CTU1: variants seen among roughly 807,000 people sequenced by gnomAD.
The protein encoded by CTU1 is cytoplasmic tRNA 2-thiolation protein 1.
A neutral mutation model predicts 12.9 loss-of-function variants in CTU1; 15 were observed. That is an observed-to-expected ratio of 1.16 (90% CI 0.78 to 1.79). The LOEUF (loss-of-function observed/expected upper bound fraction) is 1.79. Ranked by LOEUF, CTU1 falls within the 40% of genes most tolerant of loss-of-function variation. The pLI is 0.00. For synonymous variants in CTU1, 295 were observed against 275.6 expected (o/e 1.07, Z -0.70); for missense variants, 553 against 550.5 (o/e 1.00, Z -0.05).
At position 51,103,401 on chromosome 19, in the gene CTU1, T is replaced by C. The variant is rs138641912; in HGVS notation, c.508+661A>G. Among the ~76,000 whole-genome samples the C allele has an allele frequency of 4.6e-5, 7 of 152,072 alleles. No homozygotes were observed. The East Asian group carries it at 1.2e-3, about 25-fold the overall frequency. ...GAGATCGAGATCATCCTGGCTAACA[T>C]GGTGAAACCCCGTCTCTACTAAAAA... On this transcript the variant is annotated intron_variant, in intron 2 of 2. Coordinates refer to ENST00000421832, the MANE Select transcript of CTU1 (RefSeq NM_145232.4).
At position 51,108,316 on chromosome 19, in the gene CTU1, A is replaced by AT. The variant is rs1428242883; in HGVS notation, c.-22+30dup. 6.6e-6 allele frequency: 1 copy of AT among 152,324 alleles called. No individual in the cohort carries two copies. Among genetic ancestry groups the AT allele is most frequent in the Non-Finnish European group, 1.5e-5 (1 of 68,120 alleles). The allele number at this position is 152,324 out of a possible 1,614,324, so 9.4% of individuals were successfully genotyped here. ...ACCGCAACAAAGAGCCGGAGTCCAC[A>AT]TGCCGACCCACCGCAGGAGGAAATA... On this transcript the variant is annotated intron_variant, in intron 1 of 2. Transcript: ENST00000421832. The surrounding 1 kb of genome is among the most constrained non-coding windows in gnomAD (Gnocchi z 4.5).
intron 2 of CTU1, among the ~76,000 whole-genome samples, chr19:51,101,092 G>T (rs547640419): frequency 6.6e-6 from 1 of 151,994 alleles, no homozygotes; most frequent in African/African-American, 2.4e-5. Context: ...CCACAGGTGT[G>T]TGCCACCATG....
In CTU1 at chr19:51,098,560, C is replaced by CT; in HGVS notation, c.*40_*41insA. The CT allele has an allele frequency of 8.1e-7, 1 of 1,241,084 alleles. No individual in the cohort carries two copies. Among genetic ancestry groups the CT allele is most frequent in the African/African-American group, 1.6e-5 (1 of 64,038 alleles). 76.9% of individuals were successfully genotyped at this position (1,241,084 alleles called of 1,614,324 possible). On this transcript the variant is annotated 3_prime_UTR_variant, in exon 3 of 3. Transcript: ENST00000421832. This position sits in a 1 kb window ranked among gnomAD's most constrained non-coding sequence, Gnocchi z 4.3. ...TCACAGTGTCATTTACAGGCAGCCC[C>CT]CACCCCGCGGCATCAGATCCCGGCG...
intron 2 of CTU1, among the ~76,000 whole-genome samples, chr19:51,103,689 G>A (rs1457476003): frequency 6.6e-6 from 1 of 152,054 alleles, no homozygotes; most frequent in East Asian, 1.9e-4. Context: ...TCTGAAAGGT[G>A]GACCATAAGA....
At position 51,108,093 on chromosome 19, in the gene CTU1, G is replaced by A. The variant is rs1317004750; in HGVS notation, c.-22+254C>T. ...GACAGATAATGTGTGGCATGGGGGC[G>A]GGGACAGGCAGATAGTAACATAGGG... On this transcript the variant is annotated intron_variant, in intron 1 of 2. Transcript: ENST00000421832. This position sits in a 1 kb window ranked among gnomAD's most constrained non-coding sequence, Gnocchi z 4.5. 6.6e-6 allele frequency among the ~76,000 whole-genome samples: 1 copy of A among 152,116 alleles called. No individual in the cohort carries two copies. Among genetic ancestry groups the A allele is most frequent in the African/African-American group, 2.4e-5 (1 of 41,420 alleles).
In CTU1 at chr19:51,104,498, C is replaced by G; in HGVS notation, c.72G>C (p.Ala24=). Residue 24 remains alanine, a synonymous_variant, in exon 2 of 3, where the codon GCG becomes GCC. Coordinates refer to ENST00000421832, the MANE Select transcript of CTU1 (RefSeq NM_145232.4). ...CGGCGCAGAAGCAGGCACCGCACAG[C>G]GCTTGGCCCGAGAGCGGACGGCGGA... The part of the protein sequence containing the change: ...AALRRPLSGQ[A]LCGACFCAAF... 1 of 1,297,134 alleles carries G rather than the reference C, an allele frequency of 7.7e-7. No individual in the cohort carries two copies. 80.4% of individuals were successfully genotyped at this position (1,297,134 alleles called of 1,614,324 possible). A position where few individuals can be genotyped will look rare whatever the true frequency, so the allele number is the denominator to read the frequency against.
intron 2 of CTU1, among the ~76,000 whole-genome samples, chr19:51,101,961 G>C (rs897139376): frequency 6.6e-6 from 1 of 152,164 alleles, no homozygotes; most frequent in Admixed American, 6.5e-5. Flanking sequence ...CAATTAATAA[G>C]TGATTCTATC....
rs1289057787 is a variant in CTU1, at chr19:51,104,257, G to T, written c.313C>A (p.Gln105Lys). 6.0e-6 allele frequency: 9 copies of T among 1,505,672 alleles called. No homozygotes were observed. The highest frequency in any genetic ancestry group is 2.1e-5 in the Admixed American group (1 of 46,850). The allele number at this position is 1,505,672 out of a possible 1,614,324, so 93.3% of individuals were successfully genotyped here. The change falls in exon 2 of 3, where the codon CAG becomes AAG. Residue 105 changes from glutamine (Q) to lysine (K), a missense_variant. Around this residue, in one of 2 missense-constraint regions of CTU1, gnomAD observed 500 missense variants for 458.5 expected, o/e 1.09. Transcript: ENST00000421832. ...AGCGGCAGCTCCCAGCGCGCCGCCT[G>T]GCGCCGCACGGCCGCCAACGCCGCG... ...RDAALAAVRR[Q>K]AARWELPLTV...
intron 1 of CTU1, among the ~76,000 whole-genome samples, chr19:51,106,672 ATTTT>A (rs56150506): frequency 1.5e-5 from 2 of 136,236 alleles, no homozygotes; most frequent in Admixed American, 7.5e-5. Flanking sequence ...TGCCTGGCTA[ATTTT>A]TTTTTTTTTT....
At position 51,097,806 on chromosome 19, in the gene CTU1, G is replaced by C. The variant is rs7507331; in HGVS notation, c.*795C>G. ...CTCCAGAGTCCAAGGTTTGGGGAACGCATCCAACCCCTCCTCACCCGTGAC... is the reference window on the plus strand; with the variant it reads ...CTCCAGAGTCCAAGGTTTGGGGAACCCATCCAACCCCTCCTCACCCGTGAC... On this transcript the variant is annotated 3_prime_UTR_variant, in exon 3 of 3. Transcript: ENST00000421832. 0.84 allele frequency: 127,351 copies of C among 152,116 alleles called. 53,590 individuals are homozygous for C. The highest frequency in any genetic ancestry group is 0.93 in the African/African-American group (38,584 of 41,508). 9.4% of individuals were successfully genotyped at this position (152,116 alleles called of 1,614,324 possible). A position where few individuals can be genotyped will look rare whatever the true frequency, so the allele number is the denominator to read the frequency against.
chr19:51,105,539 T>C (rs2569428), intron 1 of CTU1, among the ~76,000 whole-genome samples: 83,629 of 151,582 alleles, frequency 0.55, 23,436 homozygotes, highest in East Asian at 0.78. Context: ...TGGACTACTG[T>C]AGTCACCTCC....
chr19:51,100,152 G>A (rs1297559175), intron 2 of CTU1, among the ~76,000 whole-genome samples: 1 of 152,084 alleles, frequency 6.6e-6, no homozygotes, highest in African/African-American at 2.4e-5. Flanking sequence ...GGTGGCTGGA[G>A]GTGGACACAG....
rs1599805702 is a variant in CTU1 at position 51,098,876 on chromosome 19, C to A, written c.772G>T (p.Ala258Ser). The change falls in exon 3 of 3, where the codon GCG (alanine) becomes TCG (serine). Residue 258 changes from alanine (A) to serine (S), a missense_variant. Coordinates refer to ENST00000421832, the MANE Select transcript of CTU1 (RefSeq NM_145232.4). This position sits in a 1 kb window ranked among gnomAD's most constrained non-coding sequence, Gnocchi z 4.3. ...AGGTCCAGCACCGCGGACGGCCGCG[C>A]CGCCTCCAGGCGCTTGAGCAGGTCC... Reference protein sequence around the residue: ...ARDLLKRLEAARPSAVLDLVH... With the variant: ...ARDLLKRLEASRPSAVLDLVH... 6.9e-7 allele frequency: 1 copy of A among 1,442,376 alleles called. No individual in the cohort carries two copies. Among genetic ancestry groups the A allele is most frequent in the South Asian group, 1.3e-5 (1 of 79,244 alleles). The allele number at this position is 1,442,376 out of a possible 1,614,324, so 89.3% of individuals were successfully genotyped here.
chr19:51,104,684 G>T, intron 1 of CTU1, 94 bp from the exon 2 acceptor site: 1 of 1,002,464 alleles, frequency 1.0e-6, no homozygotes, highest in Non-Finnish European at 1.3e-6. Flanking sequence ...ACCTCTGCCC[G>T]GAATAGACCA....
chr19:51,100,985 C>T (rs2091906152), intron 2 of CTU1, among the ~76,000 whole-genome samples: 1 of 150,088 alleles, frequency 6.7e-6, no homozygotes, highest in South Asian at 2.1e-4. Context: ...CACTTTAGTG[C>T]CCAGGCTGGA....
chr19:51,104,920 G>T (rs1480842359), intron 1 of CTU1, among the ~76,000 whole-genome samples: 1 of 152,118 alleles, frequency 6.6e-6, no homozygotes, highest in African/African-American at 2.4e-5. Context: ...GAGGGATGGG[G>T]GTGTATATTA....
chr19:51,104,727 C>A lies in CTU1; in HGVS notation c.-21-137G>T, dbSNP rs1245454393. ...GTGTGCGCGAGTGGAGTAGCTTCTT[C>A]TAGCGCTGGGGATAGGATGGTTATA... On this transcript the variant is annotated intron_variant, in intron 1 of 2. Transcript: ENST00000421832. 11 of 622,400 alleles carry A rather than the reference C, an allele frequency of 1.8e-5. 1 individual carries two copies. The highest frequency in any genetic ancestry group is 2.5e-5 in the Non-Finnish European group (11 of 438,534). 38.6% of individuals were successfully genotyped at this position (622,400 alleles called of 1,614,324 possible). A position where few individuals can be genotyped will look rare whatever the true frequency, so the allele number is the denominator to read the frequency against.
At chr19:51,103,932 T>A (rs2091912949) in intron 2 of CTU1, 130 bp downstream of exon 2, 2 of 981,420 alleles carry the variant, frequency 2.0e-6, no homozygotes, top group Non-Finnish European at 2.8e-6. Flanking sequence ...ATCCTCCCAT[T>A]AAGCCACCAG....
intron 1 of CTU1, among the ~76,000 whole-genome samples, chr19:51,105,526 G>C (rs983540351): frequency 6.6e-6 from 1 of 152,156 alleles, no homozygotes; most frequent in Non-Finnish European, 1.5e-5. Flanking sequence ...ATCACCTCCA[G>C]CCTGGACTAC....
Sources: gnomAD v4.1 joint callset for allele counts (sites outside exome capture counted in the v4.1 genomes callset) on GRCh38, gnomAD v4.1.1 for gene constraint, gnomAD v4.1.1 regional missense constraint, Gnocchi (gnomAD v3.1) non-coding constraint, MANE v1.5 for transcripts, NCBI Gene and HGNC (gene_info 2026-07-23, HGNC 2026-07-21) for gene names.